Variants in PPP2R5E observed in about 807,000 individuals in gnomAD.
PPP2R5E encodes the protein serine/threonine-protein phosphatase 2A 56 kDa regulatory subunit epsilon isoform.
A neutral mutation model predicts 65.3 loss-of-function variants in PPP2R5E; 4 were observed. The ratio of observed to expected loss-of-function variants is 0.06; its 90% CI spans 0.03 to 0.14. PPP2R5E has a LOEUF of 0.14. PPP2R5E is among the 10% of genes least tolerant of loss of function. The probability of loss-of-function intolerance (pLI) is 1.00; values close to 1 mark genes in which losing one functional copy is unlikely to be tolerated. For missense variants in PPP2R5E, 274 were observed against 556.1 expected, an observed-to-expected ratio of 0.49 and a Z score of 5.10; for synonymous variants, 183 against 187.4, an observed-to-expected ratio of 0.98 and a Z score of 0.19.
At chr14:63,380,469 T>C (rs1211842392) in intron 13 of PPP2R5E, among the ~76,000 whole-genome samples, 2 of 152,076 alleles carry the variant, frequency 1.3e-5, no homozygotes, top group Non-Finnish European at 2.9e-5. Flanking sequence ...GAGACCATCC[T>C]GACTAGCACA....
Position 63,415,221 on chromosome 14 carries a change from T to A in PPP2R5E, c.468A>T (p.Glu156Asp). 6.3e-7 allele frequency: 1 copy of A among 1,598,518 alleles called. No homozygotes were observed. Among genetic ancestry groups the A allele is most frequent in the Non-Finnish European group, 8.6e-7 (1 of 1,167,098 alleles). ...GGCTTTCCAAAAATCGTATGAAAAA[T>A]TCATATACAAGCTGCAACAAACAGA... Reference protein sequence around the residue: ...ASWPHLQLVYEFFIRFLESQE... With the variant: ...ASWPHLQLVYDFFIRFLESQE... The change falls in exon 5 of 14, where the codon GAA becomes GAT. Residue 156 changes from glutamate (E) to aspartate (D), a missense_variant. Physicochemically the swap from Glu to Asp is conservative, Grantham distance 45. Coordinates refer to ENST00000337537, the MANE Select transcript of PPP2R5E (RefSeq NM_006246.5).
At chr14:63,406,590 C>T (rs1247565891) in intron 5 of PPP2R5E, among the ~76,000 whole-genome samples, 1 of 152,206 alleles carries the variant, frequency 6.6e-6, no homozygotes, top group African/African-American at 2.4e-5. Context: ...TAAATCGCCA[C>T]AGTTTCCATC....
intron 2 of PPP2R5E, among the ~76,000 whole-genome samples, chr14:63,519,734 T>C (rs1461818048): frequency 1.3e-5 from 2 of 151,280 alleles, no homozygotes; most frequent in African/African-American, 4.9e-5. Flanking sequence ...CAATCTCGGC[T>C]TACTGCAACT....
intron 2 of PPP2R5E, among the ~76,000 whole-genome samples, chr14:63,500,280 C>T (rs147916884): frequency 1.4e-4 from 22 of 152,216 alleles, no homozygotes; most frequent in East Asian, 5.8e-4. Flanking sequence ...CAGAAACCGA[C>T]GCCCTAGATT....
chr14:63,484,855 A>AC, intron 2 of PPP2R5E, among the ~76,000 whole-genome samples: 1 of 152,236 alleles, frequency 6.6e-6, no homozygotes, highest in Non-Finnish European at 1.5e-5. Context: ...GTATCTTGTA[A>AC]ATTTACAGGA....
At chr14:63,422,317 G>T (rs894305636) in intron 3 of PPP2R5E, among the ~76,000 whole-genome samples, 26 of 152,032 alleles carry the variant, frequency 1.7e-4, no homozygotes, top group Non-Finnish European at 2.9e-5. Flanking sequence ...ACTATTAATC[G>T]TCCTTATTTA....
chr14:63,522,233 G>A (rs1020384968), intron 2 of PPP2R5E, among the ~76,000 whole-genome samples: 4 of 152,172 alleles, frequency 2.6e-5, no homozygotes, highest in Admixed American at 1.3e-4. Context: ...GACGGAGTCT[G>A]GTTCACTCAG....
chr14:63,408,983 G>C (rs1316339384), intron 5 of PPP2R5E, among the ~76,000 whole-genome samples: 1 of 152,146 alleles, frequency 6.6e-6, no homozygotes, highest in Non-Finnish European at 1.5e-5. Flanking sequence ...TGTAATTCCA[G>C]CACTTTGGGA....
chr14:63,515,535 CTTT>C (rs200790475), intron 2 of PPP2R5E, among the ~76,000 whole-genome samples: 1 of 145,614 alleles, frequency 6.9e-6, no homozygotes, highest in South Asian at 2.2e-4. Context: ...TTCACAGACA[CTTT>C]TTTTTTTTTT....
At chr14:63,513,411 T>G (rs1421485469) in intron 2 of PPP2R5E, among the ~76,000 whole-genome samples, 2 of 152,194 alleles carry the variant, frequency 1.3e-5, no homozygotes, top group African/African-American at 2.4e-5. Flanking sequence ...GTACAATCTT[T>G]CAAAAATATG....
intron 2 of PPP2R5E, among the ~76,000 whole-genome samples, chr14:63,496,723 G>A (rs1037143481): frequency 1.3e-5 from 2 of 151,942 alleles, no homozygotes; most frequent in African/African-American, 4.8e-5. Flanking sequence ...ATTGATCTGA[G>A]TAATCAAAAC....
chr14:63,391,202 G>A (rs75444209), intron 10 of PPP2R5E, among the ~76,000 whole-genome samples: 3,561 of 152,264 alleles, frequency 0.023, 94 homozygotes, highest in African/African-American at 0.065. Flanking sequence ...TGGGCTTAGC[G>A]AGGCTGAAGA....
At chr14:63,529,567 C>T (rs532166196) in intron 2 of PPP2R5E, among the ~76,000 whole-genome samples, 314 of 151,224 alleles carry the variant, frequency 2.1e-3, no homozygotes, top group Non-Finnish European at 3.5e-3. Flanking sequence ...TTAGTAGACA[C>T]GGGTTTTCAC....
chr14:63,494,531 G>GGCTGTACA (rs1891443135), intron 2 of PPP2R5E, among the ~76,000 whole-genome samples: 1 of 150,078 alleles, frequency 6.7e-6, no homozygotes, highest in Non-Finnish European at 1.5e-5. Flanking sequence ...CACCGCGCCC[G>GGCTGTACA]GCTGTACAGC....
intron 5 of PPP2R5E, among the ~76,000 whole-genome samples, chr14:63,402,732 TAGA>T (rs1359743052): frequency 1.3e-5 from 2 of 151,584 alleles, no homozygotes; most frequent in African/African-American, 4.9e-5. Context: ...AGATAATATA[TAGA>T]AGAAGATTTT....
chr14:63,523,102 G>C (rs1205658714), intron 2 of PPP2R5E, among the ~76,000 whole-genome samples: 5 of 148,110 alleles, frequency 3.4e-5, no homozygotes, highest in African/African-American at 1.3e-4. Flanking sequence ...TCAGCCCCCC[G>C]CCCGGCCAGC....
At chr14:63,446,568 G>A (rs1454377373) in intron 3 of PPP2R5E, among the ~76,000 whole-genome samples, 2 of 152,182 alleles carry the variant, frequency 1.3e-5, no homozygotes, top group South Asian at 2.1e-4. Flanking sequence ...GGTGGCTCAC[G>A]CCTGTAATTC....
At chr14:63,437,553 T>C (rs1414409521) in intron 3 of PPP2R5E, among the ~76,000 whole-genome samples, 1 of 152,176 alleles carries the variant, frequency 6.6e-6, no homozygotes, top group African/African-American at 2.4e-5. Flanking sequence ...TTCTCTATTG[T>C]CTACAATTTT....
Position 63,513,393 on chromosome 14 carries a change from C to T in PPP2R5E, c.157+26136G>A, listed in dbSNP as rs79102972. On this transcript the variant is annotated intron_variant, in intron 2 of 13. Coordinates refer to ENST00000337537, the MANE Select transcript of PPP2R5E (RefSeq NM_006246.5). ...GTTCCGGTAAAAGAAAATCTCCCCT[C>T]AAATACTGTACAATCTTTCAAAAAT... Among the ~76,000 whole-genome samples, 1,046 of 152,250 alleles carry T rather than the reference C, an allele frequency of 6.9e-3. 64 individuals carry two copies. The East Asian group carries it at 0.15, about 21-fold the overall frequency.
Sources: allele counts gnomAD v4.1 joint callset (sites outside exome capture counted in the v4.1 genomes callset), GRCh38; gene constraint gnomAD v4.1.1; transcripts MANE v1.5; gene names NCBI Gene and HGNC (gene_info 2026-07-23, HGNC 2026-07-21).